DUS1L: variants seen among roughly 807,000 people sequenced by gnomAD.
DUS1L encodes dihydrouridine synthase 1 like.
A neutral mutation model predicts 61.2 loss-of-function variants in DUS1L; 56 were observed. The observed-to-expected ratio is 0.92, with a 90% CI of 0.74 to 1.14. The LOEUF is 1.14. Among genes scored for constraint, DUS1L ranks in the 50% most tolerant of loss-of-function variants. The pLI, the probability that DUS1L is intolerant of heterozygous loss-of-function variation, is 0.00. For synonymous variants in DUS1L, 278 were observed against 259.5 expected (o/e 1.07, Z -0.69); for missense variants, 630 against 632.4 (o/e 1.00, Z 0.04).
chr17:82,062,117 A>C (rs1174832798), intron 5 of DUS1L, 134 bp from the exon 6 acceptor site: 2 of 714,008 alleles, frequency 2.8e-6, no homozygotes, highest in Non-Finnish European at 2.1e-6. Flanking sequence ...CCTGTGCCCC[A>C]TGCCCGACTG....
In DUS1L at chr17:82,061,941, G is replaced by C; in HGVS notation, c.553C>G (p.Leu185Val). ...HGRTKEQKGP[L>V]SGAASWEHIK... Reference sequence around the variant, plus strand: ...TGCTCCCAGGACGCTGCACCCGACAGGGGCCCCTTCTGCTCCTTGGTGCGT... The same window carrying C: ...TGCTCCCAGGACGCTGCACCCGACACGGGCCCCTTCTGCTCCTTGGTGCGT... Residue 185 changes from leucine (L) to valine (V), a missense_variant, in exon 6 of 14, where the codon CTG (leucine) becomes GTG (valine). Coordinates refer to ENST00000306796, the MANE Select transcript of DUS1L (RefSeq NM_022156.5). 1 of 1,610,846 alleles carries C rather than the reference G, an allele frequency of 6.2e-7. No individual in the cohort carries two copies. The highest frequency in any genetic ancestry group is 8.5e-7 in the Non-Finnish European group (1 of 1,178,856).
At chr17:82,059,540 C>A (rs968747980) in intron 11 of DUS1L, 1 of 185,410 alleles carries the variant, frequency 5.4e-6, no homozygotes, top group East Asian at 1.4e-4. Flanking sequence ...GGGCGAGCAG[C>A]CTCGTCCCGT....
rs8064328 is a variant in DUS1L at position 82,057,879 on chromosome 17, G to A, written c.*236C>T. 8.3e-4 allele frequency: 332 copies of A among 399,612 alleles called. No homozygotes were observed. The highest frequency in any genetic ancestry group is 6.3e-3 in the African/African-American group (304 of 48,560). The allele number at this position is 399,612 out of a possible 1,614,324, so 24.8% of individuals were successfully genotyped here. ...CAGTGGTCACAGGCTGTGGGCTCTC[G>A]CATCTTTGAAATGATTTATTGTTCA... On this transcript the variant is annotated 3_prime_UTR_variant, in exon 14 of 14. Coordinates refer to ENST00000306796, the MANE Select transcript of DUS1L (RefSeq NM_022156.5).
chr17:82,059,092 C>T (rs561602068), intron 11 of DUS1L: 3 of 508,526 alleles, frequency 5.9e-6, no homozygotes, highest in Non-Finnish European at 7.2e-6. Flanking sequence ...GCAGCCTTAT[C>T]TGTCCTACCC....
At chr17:82,065,203 G>A (rs902011137) in intron 1 of DUS1L, 134 bp from the exon 2 acceptor site, 24 of 771,666 alleles carry the variant, frequency 3.1e-5, no homozygotes, top group African/African-American at 2.4e-4. Context: ...ACTAAAGGCG[G>A]GGGTCGGTGC....
At chr17:82,058,709 A>G in intron 12 of DUS1L, 72 bp downstream of exon 12, 2 of 1,600,814 alleles carry the variant, frequency 1.2e-6, no homozygotes, top group Non-Finnish European at 1.7e-6. Flanking sequence ...CTGCCACCCC[A>G]AGCAGTGCAG....
At position 82,058,203 on chromosome 17, in the gene DUS1L, T is replaced by C. The variant is rs768420377; in HGVS notation, c.1334A>G (p.Glu445Gly). The change falls in exon 14 of 14, where the codon GAG (glutamate) becomes GGG (glycine). Residue 445 changes from glutamate to glycine, a missense_variant. Glu to Gly is a moderately conservative substitution (Grantham distance 98, BLOSUM62 -2). Transcript: ENST00000306796. ...AGGCTCCTGCAGCTCAGGCTGGGCC[T>C]CTTTCCAGGCCAGAGACTTCTCCAA... ...TKLEKSLAWK[E>G]AQPELQEPQP... is the part of the protein sequence containing the mutation. 1.2e-6 allele frequency: 2 copies of C among 1,600,560 alleles called. No individual in the cohort carries two copies. Among genetic ancestry groups the C allele is most frequent in the Non-Finnish European group, 1.7e-6 (2 of 1,170,936 alleles).
At chr17:82,059,523 A>C in intron 11 of DUS1L, 2 of 176,360 alleles carry the variant, frequency 1.1e-5, no homozygotes, top group Non-Finnish European at 2.4e-5. Flanking sequence ...ACTGGTGGCT[A>C]AGAGAGGGGC....
intron 11 of DUS1L, 103 bp from the exon 12 acceptor site, chr17:82,058,921 C>T: frequency 9.3e-7 from 1 of 1,071,644 alleles, no homozygotes; most frequent in African/African-American, 1.6e-5. Context: ...GCGTCCATGC[C>T]AGCTGTGGCC....
chr17:82,059,761 G>T, intron 11 of DUS1L, 187 bp downstream of exon 11: 2 of 740,144 alleles, frequency 2.7e-6, no homozygotes, highest in Non-Finnish European at 4.5e-6. Context: ...ACGGGCTGTG[G>T]CCTGCACAGG....
At position 82,064,689 on chromosome 17, in the gene DUS1L, CCCTCT is replaced by C. The variant is rs2033681753; in HGVS notation, c.237+129_237+133del. 3.3e-6 allele frequency: 3 copies of C among 911,144 alleles called. No individual in the cohort carries two copies. The South Asian group carries it at 5.2e-5, about 16-fold the overall frequency. The allele number at this position is 911,144 out of a possible 1,614,324, so 56.4% of individuals were successfully genotyped here. On this transcript the variant is annotated intron_variant, in intron 2 of 13. Coordinates refer to ENST00000306796, the MANE Select transcript of DUS1L (RefSeq NM_022156.5). ...CTCTACATGCCTGGTGCCACCTTCT[CCCTCT>C]CCTCCTGGAATTGAGCTGTCTCTGG...
chr17:82,058,874 G>A, intron 11 of DUS1L, 56 bp from the exon 12 acceptor site: 1 of 1,510,160 alleles, frequency 6.6e-7, no homozygotes. Context: ...CCTGGCTGTG[G>A]GGGCTGCCCC....
chr17:82,059,799 G>T, intron 11 of DUS1L, 149 bp downstream of exon 11: 1 of 1,163,180 alleles, frequency 8.6e-7, no homozygotes, highest in Non-Finnish European at 1.2e-6. Context: ...AAGTCTGGCT[G>T]ACTACTCCGC....
intron 1 of DUS1L, chr17:82,065,359 C>A: frequency 5.4e-6 from 2 of 369,474 alleles, no homozygotes; most frequent in Non-Finnish European, 4.9e-6. Flanking sequence ...GAAACCTTGA[C>A]GCCAGCGTCC....
rs543265382 is a variant in DUS1L, at chr17:82,059,147, A to C, written c.1169-329T>G. On this transcript the variant is annotated intron_variant, in intron 11 of 13. Coordinates refer to ENST00000306796, the MANE Select transcript of DUS1L (RefSeq NM_022156.5). ...GCAGTTTTCCTGCCCACAGGGTCCA[A>C]GGGGGGTTCCATGCCCTTCAGTTCC... The C allele has an allele frequency of 2.0e-4, 68 of 347,284 alleles. 1 individual carries two copies. In the South Asian group the frequency reaches 2.9e-3, roughly 15 times the overall value. 21.5% of individuals were successfully genotyped at this position (347,284 alleles called of 1,614,324 possible). A position where few individuals can be genotyped will look rare whatever the true frequency, so the allele number is the denominator to read the frequency against.
chr17:82,060,520 A>C, intron 10 of DUS1L, 181 bp downstream of exon 10: 1 of 722,480 alleles, frequency 1.4e-6, no homozygotes, highest in Non-Finnish European at 2.2e-6. Flanking sequence ...CACCAAGGAC[A>C]CCGAGGGGCA....
In DUS1L at chr17:82,058,896, C is replaced by T. The variant is rs944714810; in HGVS notation, c.1169-78G>A. 71 of 1,343,826 alleles carry T rather than the reference C, an allele frequency of 5.3e-5. No individual in the cohort carries two copies. In the Admixed American group the frequency reaches 5.4e-4, roughly 10 times the overall value. The allele number at this position is 1,343,826 out of a possible 1,614,324, so 83.2% of individuals were successfully genotyped here. A position where few individuals can be genotyped will look rare whatever the true frequency, so the allele number is the denominator to read the frequency against. On this transcript the variant is annotated intron_variant, in intron 11 of 13. Transcript: ENST00000306796. ...GTGGGGGCTGCCCCGTCCGCCTGCA[C>T]GGAGCCTGCTGATGGCGTCCATGCC...
chr17:82,058,862 G>T, intron 11 of DUS1L, 44 bp from the exon 12 acceptor site: 2 of 1,562,790 alleles, frequency 1.3e-6, no homozygotes, highest in Non-Finnish European at 1.8e-6. Context: ...GGGCCAGGGT[G>T]CCCTGGCTGT....
At chr17:82,061,586 G>A (rs755851804) in intron 7 of DUS1L, 32 bp downstream of exon 7, 2 of 1,594,184 alleles carry the variant, frequency 1.3e-6, no homozygotes, top group Non-Finnish European at 1.7e-6. Flanking sequence ...CGTGTGCATG[G>A]GGCCCTGGCT....
Sources: allele counts gnomAD v4.1 joint callset, GRCh38; gene constraint gnomAD v4.1.1; transcripts MANE v1.5; gene names NCBI Gene and HGNC (gene_info 2026-07-23, HGNC 2026-07-21).